The following TRAPPC8 variants were observed in gnomAD, a reference collection of about 807,000 sequenced individuals.
TRAPPC8 encodes the protein trafficking protein particle complex subunit 8, also known as general sporulation gene 1 homolog.
TRAPPC8 carries 54 observed loss-of-function variants against 174.3 expected under a neutral mutation model. The observed-to-expected ratio is 0.31, with a 90% CI of 0.25 to 0.39. The LOEUF (loss-of-function observed/expected upper bound fraction) is 0.39, where lower values mean the gene tolerates loss of function less well. TRAPPC8 is among the 10% of genes least tolerant of loss of function. The pLI is 1.00. For synonymous variants in TRAPPC8, 630 were observed against 579.9 expected (o/e 1.09, Z -1.24); for missense variants, 1,531 against 1,699.1 (o/e 0.90, Z 1.74).
At chr18:31,939,241 C>T (rs1479981122) in intron 1 of TRAPPC8, 1 of 152,132 alleles carries the variant, frequency 6.6e-6, no homozygotes, top group East Asian at 1.9e-4. Context: ...TCTAATGCTA[C>T]TATCATAGTC....
chr18:31,852,795 T>A, intron 22 of TRAPPC8, 132 bp from the exon 23 acceptor site: 1 of 776,914 alleles, frequency 1.3e-6, no homozygotes, highest in Non-Finnish European at 2.1e-6. Context: ...ATGAAGAACA[T>A]CTTTGTTTTT....
intron 27 of TRAPPC8, among the ~76,000 whole-genome samples, chr18:31,833,883 T>C (rs1004270269): frequency 2.0e-5 from 3 of 150,736 alleles, no homozygotes; most frequent in Non-Finnish European, 2.9e-5. Context: ...GTGCCTATAG[T>C]CCCAGTTACT....
chr18:31,893,383 GT>G (rs1374945555), intron 11 of TRAPPC8, among the ~76,000 whole-genome samples: 1 of 87,322 alleles, frequency 1.1e-5, no homozygotes, highest in Non-Finnish European at 2.7e-5. Flanking sequence ...GCTTCTAGGT[GT>G]GTGTGTGTGT....
Position 31,942,852 on chromosome 18 carries a change from CCGGCCTGGCCCGGCCGGGCGGGG to C in TRAPPC8, c.-111_-89del. 3.2e-6 allele frequency: 4 copies of C among 1,257,988 alleles called. No homozygotes were observed. The highest frequency in any genetic ancestry group is 4.0e-6 in the Non-Finnish European group (4 of 1,000,018). 77.9% of individuals were successfully genotyped at this position (1,257,988 alleles called of 1,614,324 possible). On this transcript the variant is annotated 5_prime_UTR_variant, in exon 1 of 29. Coordinates refer to ENST00000283351, the MANE Select transcript of TRAPPC8 (RefSeq NM_014939.5). ...CTGCAGCAGCTACCGCCGCCGCCCGCCGGCCTGGCCCGGCCGGGCGGGGCCCCGAACGCACTGGAGCCTAGAAA... is the reference window on the plus strand; with the variant it reads ...CTGCAGCAGCTACCGCCGCCGCCCGCCCCCGAACGCACTGGAGCCTAGAAA...
intron 10 of TRAPPC8, 66 bp downstream of exon 10, chr18:31,900,857 GAA>G (rs562971718): frequency 0.01 from 10,064 of 962,654 alleles, no homozygotes; most frequent in South Asian, 0.016. Flanking sequence ...TAGGAATGGG[GAA>G]AAAAAAAAAA....
chr18:31,913,489 T>C lies in TRAPPC8; in HGVS notation c.651A>G (p.Lys217=), dbSNP rs769374152. The change falls in exon 5 of 29, where the codon AAA becomes AAG. Residue 217 remains lysine (K), a synonymous_variant. Coordinates refer to ENST00000283351, the MANE Select transcript of TRAPPC8 (RefSeq NM_014939.5). ...GTAAATAGCAACCCTGAGTTCCATA[T>C]TTCTGTTTCATTTCTTCATAAATTG... ...AESIYEEMKQ[K]YGTQGCYLLK... is the part of the protein sequence containing the mutation. 1.9e-6 allele frequency: 3 copies of C among 1,599,144 alleles called. No homozygotes were observed. The highest frequency in any genetic ancestry group is 3.6e-5 in the Admixed American group (2 of 55,754).
chr18:31,927,225 A>C (rs2037654267), intron 2 of TRAPPC8, among the ~76,000 whole-genome samples: 1 of 152,058 alleles, frequency 6.6e-6, no homozygotes, highest in Non-Finnish European at 1.5e-5. Flanking sequence ...TTCTCACCTC[A>C]GCCTCCTGAG....
intron 22 of TRAPPC8, among the ~76,000 whole-genome samples, chr18:31,853,130 G>A (rs1320278249): frequency 6.6e-6 from 1 of 152,142 alleles, no homozygotes; most frequent in Non-Finnish European, 1.5e-5. Flanking sequence ...TTGTTTGAAT[G>A]TTATATAAAC....
At chr18:31,854,624 AT>A (rs1040099536) in intron 21 of TRAPPC8, among the ~76,000 whole-genome samples, 5 of 152,118 alleles carry the variant, frequency 3.3e-5, no homozygotes, top group Non-Finnish European at 7.4e-5. Context: ...AATCAATCTA[AT>A]GCTAAGAGTC....
intron 2 of TRAPPC8, among the ~76,000 whole-genome samples, chr18:31,925,572 A>G (rs901932849): frequency 1.3e-5 from 2 of 152,232 alleles, no homozygotes; most frequent in African/African-American, 2.4e-5. Flanking sequence ...AGAGAGAACA[A>G]TAAGGGAGAA....
chr18:31,876,619 T>A (rs1013973091), intron 12 of TRAPPC8, among the ~76,000 whole-genome samples: 2 of 151,082 alleles, frequency 1.3e-5, no homozygotes, highest in African/African-American at 4.9e-5. Flanking sequence ...CAGGATATGA[T>A]GAAGAACCCA....
At chr18:31,912,725 T>C (rs890642832) in intron 5 of TRAPPC8, among the ~76,000 whole-genome samples, 7 of 152,046 alleles carry the variant, frequency 4.6e-5, no homozygotes, top group Non-Finnish European at 8.8e-5. Context: ...TAATAAAGAA[T>C]TGACTGTAGG....
At chr18:31,902,739 C>T (rs1225820168) in intron 9 of TRAPPC8, among the ~76,000 whole-genome samples, 1 of 152,034 alleles carries the variant, frequency 6.6e-6, no homozygotes, top group Admixed American at 6.6e-5. Context: ...ACCCATTTGC[C>T]GGGTTTTCTG....
chr18:31,920,836 G>A (rs879542623), intron 2 of TRAPPC8, among the ~76,000 whole-genome samples: 3 of 151,144 alleles, frequency 2.0e-5, no homozygotes, highest in Non-Finnish European at 4.4e-5. Context: ...AGCTACTAGG[G>A]AGACTGAGGC....
intron 26 of TRAPPC8, 28 bp downstream of exon 26, chr18:31,846,688 A>G: frequency 6.6e-7 from 1 of 1,524,584 alleles, no homozygotes; most frequent in East Asian, 2.3e-5. Context: ...AGTTCACCAG[A>G]AAGCTCCAAA....
intron 27 of TRAPPC8, among the ~76,000 whole-genome samples, chr18:31,833,647 A>T (rs1027517004): frequency 2.0e-5 from 3 of 152,130 alleles, no homozygotes; most frequent in Admixed American, 6.5e-5. Context: ...AGCTTGTTTT[A>T]AAAAACCTGC....
In TRAPPC8 at chr18:31,892,852, CCT is replaced by C. The variant is rs139158884; in HGVS notation, c.1597-1988_1597-1987del. Among the ~76,000 whole-genome samples, 848 of 151,886 alleles carry C rather than the reference CCT, an allele frequency of 5.6e-3. 33 individuals carry two copies. In the East Asian group the frequency reaches 0.1, roughly 18 times the overall value. Reference sequence around the variant, plus strand: ...CCAGCCTGGGCAACAAAAAGAGACCCCTGTCTCTACAAAAATTAGCTGGGCAT... The same window carrying C: ...CCAGCCTGGGCAACAAAAAGAGACCCGTCTCTACAAAAATTAGCTGGGCAT... On this transcript the variant is annotated intron_variant, in intron 11 of 28. Coordinates refer to ENST00000283351, the MANE Select transcript of TRAPPC8 (RefSeq NM_014939.5).
At chr18:31,835,524 T>C (rs993832288) in intron 27 of TRAPPC8, among the ~76,000 whole-genome samples, 2 of 152,164 alleles carry the variant, frequency 1.3e-5, no homozygotes, top group African/African-American at 4.8e-5. Context: ...AACCATGAAA[T>C]TTTTTCCCAT....
chr18:31,838,705 TTCTGTAGCA>T (rs2058715663), intron 27 of TRAPPC8, among the ~76,000 whole-genome samples: 1 of 152,238 alleles, frequency 6.6e-6, no homozygotes. Flanking sequence ...TATTTGACCT[TTCTGTAGCA>T]TCTTAAACTA....
Sources: gnomAD v4.1 joint callset for allele counts (sites outside exome capture counted in the v4.1 genomes callset) on GRCh38, gnomAD v4.1.1 for gene constraint, MANE v1.5 for transcripts, NCBI Gene and HGNC (gene_info 2026-07-23, HGNC 2026-07-21) for gene names.